Variants in FAM8A1 observed in about 807,000 individuals in gnomAD.
FAM8A1 encodes family with sequence similarity 8 member A1.
Under a neutral mutation model 38.3 loss-of-function variants are expected in FAM8A1, and 18 were observed. The ratio of observed to expected loss-of-function variants is 0.47; its 90% CI spans 0.33 to 0.70. The LOEUF (loss-of-function observed/expected upper bound fraction) is 0.70. FAM8A1 is among the 30% of genes least tolerant of loss of function. The pLI, the probability that FAM8A1 is intolerant of heterozygous loss-of-function variation, is 0.03. For missense variants in FAM8A1, 559 were observed against 559.6 expected, an observed-to-expected ratio of 1.00 and a Z score of 0.01; for synonymous variants, 246 against 234.4, an observed-to-expected ratio of 1.05 and a Z score of -0.45.
chr6:17,611,250 A>C lies in FAM8A1; in HGVS notation c.*2911A>C, dbSNP rs1441892299. 1.3e-5 allele frequency: 2 copies of C among 152,414 alleles called. No individual in the cohort carries two copies. The highest frequency in any genetic ancestry group is 3.8e-4 in the East Asian group (2 of 5,206). 9.4% of individuals were successfully genotyped at this position (152,414 alleles called of 1,614,324 possible). A position where few individuals can be genotyped will look rare whatever the true frequency, so the allele number is the denominator to read the frequency against. On this transcript the variant is annotated 3_prime_UTR_variant, in exon 5 of 5. Transcript: ENST00000259963. The stretch of plus-strand genomic sequence containing the variant: ...GACAGTAAAAGGATTTGTTCCCTTC[A>C]GTGACTTGAGTGTTTTAGTTATGCA...
chr6:17,606,275 A>T (rs1764052406), intron 4 of FAM8A1, among the ~76,000 whole-genome samples: 2 of 143,354 alleles, frequency 1.4e-5, no homozygotes, highest in Non-Finnish European at 3.0e-5. Flanking sequence ...GTCTCGGCTC[A>T]CTGCAGGCTC....
intron 1 of FAM8A1, among the ~76,000 whole-genome samples, chr6:17,601,867 G>A (rs531063506): frequency 6.6e-6 from 1 of 151,938 alleles, no homozygotes; most frequent in Admixed American, 6.6e-5. Context: ...GGGATTACAG[G>A]GATTTACTTT....
rs575075446 is a variant in FAM8A1 at position 17,608,954 on chromosome 6, A to C, written c.*615A>C. On this transcript the variant is annotated 3_prime_UTR_variant, in exon 5 of 5. Transcript: ENST00000259963. ...TTCCCTCTCGTAATGATGTAACTTT[A>C]CAACTATTCTTAATGCTTGAACATG... 2 of 152,330 alleles carry C rather than the reference A, an allele frequency of 1.3e-5. No homozygotes were observed. The highest frequency in any genetic ancestry group is 4.8e-5 in the African/African-American group (2 of 41,576). 9.4% of individuals were successfully genotyped at this position (152,330 alleles called of 1,614,324 possible). A position where few individuals can be genotyped will look rare whatever the true frequency, so the allele number is the denominator to read the frequency against.
At position 17,610,927 on chromosome 6, in the gene FAM8A1, C is replaced by T. The variant is rs1764133023; in HGVS notation, c.*2588C>T. 1 of 152,134 alleles carries T rather than the reference C, an allele frequency of 6.6e-6. No individual in the cohort carries two copies. The highest frequency in any genetic ancestry group is 2.1e-4 in the South Asian group (1 of 4,834). 9.4% of individuals were successfully genotyped at this position (152,134 alleles called of 1,614,324 possible). The stretch of plus-strand genomic sequence containing the variant: ...CTAATGCACCTTGAGAAAAATCTGG[C>T]ATACTGAATAAATAACATTAACTTG... On this transcript the variant is annotated 3_prime_UTR_variant, in exon 5 of 5. Transcript: ENST00000259963.
chr6:17,605,476 T>C lies in FAM8A1; in HGVS notation c.958-398T>C, dbSNP rs550024649. Among the ~76,000 whole-genome samples the C allele has an allele frequency of 4.3e-4, 66 of 152,226 alleles. 1 individual carries two copies. The highest frequency in any genetic ancestry group is 2.1e-3 in the South Asian group (10 of 4,826). On this transcript the variant is annotated intron_variant, in intron 3 of 4. Transcript: ENST00000259963. ...CACATGTCTACTTTTCTGTTTTTTT[T>C]CCCAAATTTTAACTAATCATTAAGT... is the stretch of plus-strand genomic sequence containing the variant.
chr6:17,606,005 C>T lies in FAM8A1; in HGVS notation c.1089C>T (p.Ser363=). 2 of 1,554,978 alleles carry T rather than the reference C, an allele frequency of 1.3e-6. No homozygotes were observed. Among genetic ancestry groups the T allele is most frequent in the Non-Finnish European group, 1.8e-6 (2 of 1,141,360 alleles). ...RVLVIPSSNV[S]ITTSTIRALI... ...TAGTGATTCCTTCCTCAAATGTTAG[C>T]ATTACAACGTAAGTCCTTTTCTTAG... The change falls in exon 4 of 5, where the codon AGC becomes AGT. Residue 363 remains serine (S), a synonymous_variant. Transcript: ENST00000259963.
rs762584146 is a variant in FAM8A1 at position 17,608,341 on chromosome 6, GC to G, written c.*8del. 4.8e-5 allele frequency: 77 copies of G among 1,609,464 alleles called. 1 individual carries two copies. The South Asian group carries it at 7.7e-4, about 16-fold the overall frequency. The stretch of plus-strand genomic sequence containing the variant: ...GTAAAAAGAAATGGGGTCAGATGAT[GC>G]CCCCCAAAACCCTGATTTCCACACA... On this transcript the variant is annotated 3_prime_UTR_variant, in exon 5 of 5. Transcript: ENST00000259963.
chr6:17,600,833 T>G lies in FAM8A1; in HGVS notation c.424T>G (p.Cys142Gly). Residue 142 changes from cysteine to glycine, a missense_variant, in exon 1 of 5, where the codon TGC (cysteine) becomes GGC (glycine). Physicochemically the swap from Cys to Gly is radical, Grantham distance 159. Transcript: ENST00000259963. ...HSGLAAFPAY[C>G]SPQPSPQSFP... is the part of the protein sequence containing the mutation. The stretch of plus-strand genomic sequence containing the variant: ...CGGCCTGGCCGCCTTCCCAGCCTAC[T>G]GCAGCCCCCAGCCCTCCCCGCAGAG... 1 of 1,610,456 alleles carries G rather than the reference T, an allele frequency of 6.2e-7. No individual in the cohort carries two copies. Among genetic ancestry groups the G allele is most frequent in the Non-Finnish European group, 8.5e-7 (1 of 1,179,640 alleles).
Position 17,600,518 on chromosome 6 carries a change from C to G in FAM8A1, c.109C>G (p.Pro37Ala), listed in dbSNP as rs971827574. ...GAGAGGCCCTCCTACCACCGCCGTC[C>G]CATGCCCCCGCGACGACCCCCAGGC... The part of the protein sequence containing the change: ...SLRGPPTTAV[P>A]CPRDDPQAEP... Residue 37 changes from proline to alanine, a missense_variant, in exon 1 of 5, where the codon CCA (proline) becomes GCA (alanine). Transcript: ENST00000259963. The G allele has an allele frequency of 2.0e-6, 3 of 1,535,978 alleles. No individual in the cohort carries two copies. The highest frequency in any genetic ancestry group is 1.7e-6 in the Non-Finnish European group (2 of 1,145,858).
chr6:17,608,165 T>C, intron 4 of FAM8A1, 30 bp from the exon 5 acceptor site: 1 of 1,611,398 alleles, frequency 6.2e-7, no homozygotes, highest in Non-Finnish European at 8.5e-7. Flanking sequence ...GATGTGTAAC[T>C]TACCTGATAT....
At chr6:17,604,703 C>T (rs914235442) in intron 2 of FAM8A1, among the ~76,000 whole-genome samples, 7 of 152,130 alleles carry the variant, frequency 4.6e-5, no homozygotes, top group Non-Finnish European at 7.4e-5. Flanking sequence ...TTATTTCCCC[C>T]GTGCTAGTAC....
chr6:17,602,755 A>G, intron 2 of FAM8A1, 45 bp downstream of exon 2: 1 of 1,582,310 alleles, frequency 6.3e-7, no homozygotes, highest in Non-Finnish European at 8.6e-7. Flanking sequence ...TCTACTGTTT[A>G]ATGATCTTGT....
intron 3 of FAM8A1, 36 bp downstream of exon 3, chr6:17,605,065 CA>C: frequency 1.3e-6 from 2 of 1,564,754 alleles, no homozygotes; most frequent in East Asian, 4.6e-5. Flanking sequence ...TAATATTTAA[CA>C]ATCTAATTTT....
At chr6:17,605,484 T>A (rs569835556) in intron 3 of FAM8A1, among the ~76,000 whole-genome samples, 3 of 152,364 alleles carry the variant, frequency 2.0e-5, no homozygotes, top group Non-Finnish European at 4.4e-5. Context: ...TTTCCCAAAT[T>A]TTAACTAATC....
rs780323115 is a variant in FAM8A1, at chr6:17,600,797, A to C, written c.388A>C (p.Thr130Pro). ...WLWQSYCGYL[T>P]WHSGLAAFPA... is the part of the protein sequence containing the mutation. ...GTGGCAGTCCTACTGCGGCTACCTCACCTGGCACAGCGGCCTGGCCGCCTT... is the reference window on the plus strand; with the variant it reads ...GTGGCAGTCCTACTGCGGCTACCTCCCCTGGCACAGCGGCCTGGCCGCCTT... The change falls in exon 1 of 5, where the codon ACC becomes CCC. Residue 130 changes from threonine to proline, a missense_variant. Coordinates refer to ENST00000259963, the MANE Select transcript of FAM8A1 (RefSeq NM_016255.3). 1 of 1,610,844 alleles carries C rather than the reference A, an allele frequency of 6.2e-7. No homozygotes were observed. The highest frequency in any genetic ancestry group is 2.2e-5 in the East Asian group (1 of 44,826).
rs1280791650 is a variant in FAM8A1, at chr6:17,611,065, C to T, written c.*2726C>T. 9 of 152,114 alleles carry T rather than the reference C, an allele frequency of 5.9e-5. No individual in the cohort carries two copies. The highest frequency in any genetic ancestry group is 9.7e-5 in the African/African-American group (4 of 41,416). The allele number at this position is 152,114 out of a possible 1,614,324, so 9.4% of individuals were successfully genotyped here. On this transcript the variant is annotated 3_prime_UTR_variant, in exon 5 of 5. Coordinates refer to ENST00000259963, the MANE Select transcript of FAM8A1 (RefSeq NM_016255.3). ...CTTGTCAGTATCATAAAGAGTATTG[C>T]CCAACTGAACTTTGCTCCCACTGGT...
chr6:17,600,460 T>C lies in FAM8A1; in HGVS notation c.51T>C (p.Asp17=). 6.7e-7 allele frequency: 1 copy of C among 1,495,066 alleles called. No homozygotes were observed. Among genetic ancestry groups the C allele is most frequent in the African/African-American group, 1.5e-5 (1 of 68,210 alleles). 92.6% of individuals were successfully genotyped at this position (1,495,066 alleles called of 1,614,324 possible). The change falls in exon 1 of 5, where the codon GAT becomes GAC. Residue 17 remains aspartate, a synonymous_variant. Transcript: ENST00000259963. ...EARGHPPGQD[D]GGGDHEPVPS... ...GAGGCCACCCTCCCGGGCAGGACGA[T>C]GGCGGAGGGGACCACGAGCCCGTCC...
In FAM8A1 at chr6:17,602,691, A is replaced by T. The variant is rs1472527740; in HGVS notation, c.814A>T (p.Met272Leu). The change falls in exon 2 of 5, where the codon ATG becomes TTG. Residue 272 changes from methionine (M) to leucine (L), a missense_variant. Physicochemically the swap from Met to Leu is conservative, Grantham distance 15. This residue lies in a region of FAM8A1 where 166 missense variants were observed against 220.8 expected (regional missense o/e 0.75). Transcript: ENST00000259963. ...FIKATIVLSI[M>L]HLSGIKDISK... ...AAAAGCAACCATTGTCTTAAGCATT[A>T]TGCACCTCAGTGGGATAAAGTAAGT... The T allele has an allele frequency of 1.9e-6, 3 of 1,610,972 alleles. No individual in the cohort carries two copies. The African/African-American group carries it at 4.0e-5, about 22-fold the overall frequency.
Position 17,611,183 on chromosome 6 carries a change from T to C in FAM8A1, c.*2844T>C, listed in dbSNP as rs1016790550. ...AAAAAAATGCATTATATTTGAGAGC[T>C]ACTTCGCCCAAATTACAAAATGAGT... On this transcript the variant is annotated 3_prime_UTR_variant, in exon 5 of 5. Transcript: ENST00000259963. 2 of 152,194 alleles carry C rather than the reference T, an allele frequency of 1.3e-5. No individual in the cohort carries two copies. Among genetic ancestry groups the C allele is most frequent in the Non-Finnish European group, 1.5e-5 (1 of 68,012 alleles). 9.4% of individuals were successfully genotyped at this position (152,194 alleles called of 1,614,324 possible).
Sources: allele counts gnomAD v4.1 joint callset (sites outside exome capture counted in the v4.1 genomes callset), GRCh38; gene constraint gnomAD v4.1.1; regional missense constraint gnomAD v4.1.1; transcripts MANE v1.5; gene names NCBI Gene and HGNC (gene_info 2026-07-23, HGNC 2026-07-21).